Variants in ITGB4 observed in about 807,000 individuals in gnomAD.
ITGB4 encodes integrin subunit beta 4.
A neutral mutation model predicts 207.6 loss-of-function variants in ITGB4; 159 were observed. That is an observed-to-expected ratio of 0.77 (90% CI 0.67 to 0.87). The LOEUF (loss-of-function observed/expected upper bound fraction) is 0.87. ITGB4 is among the 40% of genes least tolerant of loss of function. The pLI is 0.00. For missense variants in ITGB4, 2,278 were observed against 2,546.8 expected, an observed-to-expected ratio of 0.89 and a Z score of 2.27; for synonymous variants, 1,020 against 1,062.7, an observed-to-expected ratio of 0.96 and a Z score of 0.78.
rs138193479 is a variant in ITGB4 at position 75,740,508 on chromosome 17, C to T, written c.2550+47C>T. The T allele has an allele frequency of 6.0e-4, 739 of 1,227,512 alleles. 8 individuals are homozygous for T. The African/African-American group carries it at 8.3e-3, about 14-fold the overall frequency. 76.0% of individuals were successfully genotyped at this position (1,227,512 alleles called of 1,614,324 possible). A position where few individuals can be genotyped will look rare whatever the true frequency, so the allele number is the denominator to read the frequency against. ...CTGGCCGGAGATGTGGGTATGAGGG[C>T]GGGTGAGGTGGGCAGGGCAGAGCGA... On this transcript the variant is annotated intron_variant, in intron 21 of 39. Coordinates refer to ENST00000200181, the MANE Select transcript of ITGB4 (RefSeq NM_000213.5). The surrounding 1 kb of genome is among the most constrained non-coding windows in gnomAD (Gnocchi z 5.9).
Position 75,736,090 on chromosome 17 carries a change from C to T in ITGB4, c.1697C>T (p.Pro566Leu). The change falls in exon 14 of 40, where the codon CCT becomes CTT. Residue 566 changes from proline to leucine, a missense_variant. Transcript: ENST00000200181. ...RCSMGQCVCE[P>L]GWTGPSCDCP... is the part of the protein sequence containing the mutation. ...TCCATGGGCCAGTGTGTGTGTGAGC[C>T]TGGTTGGACAGGCCCAAGCTGTGAC... The T allele has an allele frequency of 6.2e-7, 1 of 1,614,144 alleles. No individual in the cohort carries two copies. The highest frequency in any genetic ancestry group is 8.5e-7 in the Non-Finnish European group (1 of 1,180,008).
intron 32 of ITGB4, 126 bp from the exon 33 acceptor site, chr17:75,753,639 A>G (rs2061418591): frequency 3.5e-6 from 2 of 576,378 alleles, no homozygotes; most frequent in Non-Finnish European, 2.6e-6. Flanking sequence ...CGCCCCCAAC[A>G]CACACCCCGG....
At chr17:75,743,412 TA>T (rs1240723947) in intron 25 of ITGB4, among the ~76,000 whole-genome samples, 1 of 151,952 alleles carries the variant, frequency 6.6e-6, no homozygotes, top group East Asian at 1.9e-4. Context: ...TTTCTATCTT[TA>T]GTAGAGATGG....
chr17:75,751,214 C>T, intron 30 of ITGB4, 103 bp downstream of exon 30: 1 of 1,382,638 alleles, frequency 7.2e-7, no homozygotes, highest in Non-Finnish European at 1.0e-6. Flanking sequence ...ACCTGCTGTG[C>T]AGGGCACTCG....
Position 75,727,635 on chromosome 17 carries a change from C to A in ITGB4, c.265-16C>A. On this transcript the variant is annotated splice_polypyrimidine_tract_variant and intron_variant, in intron 4 of 39. Transcript: ENST00000200181. The surrounding 1 kb of genome is among the most constrained non-coding windows in gnomAD (Gnocchi z 6.0). ...GAGTGACCCTCTAGCCAGCTGTCCC[C>A]TTCCACTGGCTGCAGGAGACCCAGA... The A allele has an allele frequency of 3.1e-6, 5 of 1,595,878 alleles. No individual in the cohort carries two copies. Among genetic ancestry groups the A allele is most frequent in the Non-Finnish European group, 4.3e-6 (5 of 1,171,526 alleles).
chr17:75,751,041 T>A lies in ITGB4; in HGVS notation c.3723T>A (p.Ala1241=), dbSNP rs1365573517. The change falls in exon 30 of 40, where the codon GCT becomes GCA. Residue 1241 remains alanine (A), a synonymous_variant. Transcript: ENST00000200181. ...CCACGGTGACCCAGCTGAGCTGGGC[T>A]GAGCCGGCTGAGACCAACGGTGAGA... The part of the protein sequence containing the change: ...VSSTVTQLSW[A]EPAETNGEIT... 6.2e-7 allele frequency: 1 copy of A among 1,613,940 alleles called. No homozygotes were observed. The highest frequency in any genetic ancestry group is 8.5e-7 in the Non-Finnish European group (1 of 1,180,018).
At position 75,727,477 on chromosome 17, in the gene ITGB4, T is replaced by C; in HGVS notation, c.236T>C (p.Val79Ala). The change falls in exon 4 of 40, where the codon GTC becomes GCC. Residue 79 changes from valine (V) to alanine (A), a missense_variant. By Grantham distance (64) the Val-to-Ala change is moderately conservative. Coordinates refer to ENST00000200181, the MANE Select transcript of ITGB4 (RefSeq NM_000213.5). The surrounding 1 kb of genome is among the most constrained non-coding windows in gnomAD (Gnocchi z 6.0). ...AAGCQRESIV[V>A]MESSFQITEE... The stretch of plus-strand genomic sequence containing the variant: ...GGCTGCCAGCGGGAGAGCATCGTGG[T>C]CATGGAGAGCAGCTTCCAAATCACA... The C allele has an allele frequency of 2.5e-6, 4 of 1,613,850 alleles. No homozygotes were observed. The highest frequency in any genetic ancestry group is 3.4e-6 in the Non-Finnish European group (4 of 1,179,994).
At chr17:75,730,621 CCTCTTTT>C in intron 8 of ITGB4, 117 bp downstream of exon 8, 1 of 1,145,086 alleles carries the variant, frequency 8.7e-7, no homozygotes, top group South Asian at 1.5e-5. Context: ...TTCCTCCCTC[CCTCTTTT>C]CCTCCCTTTC....
At chr17:75,723,908 G>A (rs1012831473) in intron 1 of ITGB4, among the ~76,000 whole-genome samples, 9 of 152,258 alleles carry the variant, frequency 5.9e-5, no homozygotes, top group Non-Finnish European at 1.3e-4. Context: ...AGGGCCTCAG[G>A]GATGTCCAGT....
chr17:75,724,081 G>A lies in ITGB4; in HGVS notation c.-10-613G>A, dbSNP rs113890217. ...CCCAGAAAACTTAACTCTGGGGCAG[G>A]CAGAGGTACAGGGGAGGGCAGATGA... On this transcript the variant is annotated intron_variant, in intron 1 of 39. Transcript: ENST00000200181. 4.8e-3 allele frequency among the ~76,000 whole-genome samples: 732 copies of A among 152,328 alleles called. 9 individuals carry two copies. The highest frequency in any genetic ancestry group is 0.017 in the African/African-American group (702 of 41,568).
At position 75,737,564 on chromosome 17, in the gene ITGB4, C is replaced by T. The variant is rs2061009022; in HGVS notation, c.2140C>T (p.Leu714Phe). ...KDCPPGSFWW[L>F]IPLLLLLLPL... is the part of the protein sequence containing the mutation. Reference sequence around the variant, plus strand: ...CTGCCCTCCGGGCTCCTTCTGGTGGCTCATCCCCCTGCTCCTCCTCCTCCT... The same window carrying T: ...CTGCCCTCCGGGCTCCTTCTGGTGGTTCATCCCCCTGCTCCTCCTCCTCCT... Residue 714 changes from leucine to phenylalanine, a missense_variant, in exon 18 of 40, where the codon CTC becomes TTC. Transcript: ENST00000200181. 2 of 1,594,096 alleles carry T rather than the reference C, an allele frequency of 1.3e-6. No individual in the cohort carries two copies. The highest frequency in any genetic ancestry group is 2.3e-5 in the South Asian group (2 of 88,458).
intron 13 of ITGB4, among the ~76,000 whole-genome samples, chr17:75,734,498 A>G (rs2060934668): frequency 6.6e-6 from 1 of 152,054 alleles, no homozygotes; most frequent in Non-Finnish European, 1.5e-5. Flanking sequence ...CTTCCTCTGT[A>G]TTCCCATGGG....
At position 75,740,223 on chromosome 17, in the gene ITGB4, C is replaced by T; in HGVS notation, c.2447-135C>T. Reference sequence around the variant, plus strand: ...CCTGTGCTGATGGTGCTATGAACCTCATGCCTCGGTGTGCGTGGCCTGCTG... The same window carrying T: ...CCTGTGCTGATGGTGCTATGAACCTTATGCCTCGGTGTGCGTGGCCTGCTG... On this transcript the variant is annotated intron_variant, in intron 20 of 39. Coordinates refer to ENST00000200181, the MANE Select transcript of ITGB4 (RefSeq NM_000213.5). This position sits in a 1 kb window ranked among gnomAD's most constrained non-coding sequence, Gnocchi z 5.9. The T allele has an allele frequency of 4.1e-6, 5 of 1,212,626 alleles. No homozygotes were observed. Among genetic ancestry groups the T allele is most frequent in the Non-Finnish European group, 4.7e-6 (4 of 850,602 alleles). The allele number at this position is 1,212,626 out of a possible 1,614,324, so 75.1% of individuals were successfully genotyped here.
chr17:75,742,036 C>T lies in ITGB4; in HGVS notation c.2634-305C>T, dbSNP rs537163703. Reference sequence around the variant, plus strand: ...AGAACTAGAACCAGGGCTAGGGCCGCGGCAGCCTGGCCTGAGCACACACAC... The same window carrying T: ...AGAACTAGAACCAGGGCTAGGGCCGTGGCAGCCTGGCCTGAGCACACACAC... On this transcript the variant is annotated intron_variant, in intron 23 of 39. Transcript: ENST00000200181. The surrounding 1 kb of genome is among the most constrained non-coding windows in gnomAD (Gnocchi z 5.9). 7.2e-5 allele frequency among the ~76,000 whole-genome samples: 11 copies of T among 152,330 alleles called. No individual in the cohort carries two copies. In the East Asian group the frequency reaches 7.7e-4, roughly 11 times the overall value.
At chr17:75,754,354 TAG>T (rs1189714476) in intron 33 of ITGB4, 1 of 607,956 alleles carries the variant, frequency 1.6e-6, no homozygotes, top group East Asian at 2.8e-5. Flanking sequence ...CTCACACCGA[TAG>T]AGTGGCCGGC....
chr17:75,755,620 G>A lies in ITGB4; in HGVS notation c.4559-81G>A. 1.9e-6 allele frequency: 3 copies of A among 1,563,670 alleles called. No individual in the cohort carries two copies. In the Admixed American group the frequency reaches 5.0e-5, roughly 26 times the overall value. ...AGTGTAGACATGCCAGCTGAGGGAGGGAGGTCAGGGGGCAGCACTGTGACT... is the reference window on the plus strand; with the variant it reads ...AGTGTAGACATGCCAGCTGAGGGAGAGAGGTCAGGGGGCAGCACTGTGACT... On this transcript the variant is annotated intron_variant, in intron 34 of 39. Transcript: ENST00000200181.
At chr17:75,741,421 G>A (rs537024332) in intron 23 of ITGB4, among the ~76,000 whole-genome samples, 9 of 152,192 alleles carry the variant, frequency 5.9e-5, no homozygotes, top group African/African-American at 1.9e-4. Flanking sequence ...GTCCTACATC[G>A]AGTCCTGGCC....
Position 75,731,026 on chromosome 17 carries a change from G to C in ITGB4, c.1092+62G>C. The C allele has an allele frequency of 6.7e-7, 1 of 1,500,960 alleles. No homozygotes were observed. Among genetic ancestry groups the C allele is most frequent in the Non-Finnish European group, 9.3e-7 (1 of 1,078,866 alleles). 93.0% of individuals were successfully genotyped at this position (1,500,960 alleles called of 1,614,324 possible). On this transcript the variant is annotated intron_variant, in intron 9 of 39. Coordinates refer to ENST00000200181, the MANE Select transcript of ITGB4 (RefSeq NM_000213.5). The surrounding 1 kb of genome is among the most constrained non-coding windows in gnomAD (Gnocchi z 6.8). ...TGGGGCAGGGCAGGAAGTGGGCAGG[G>C]TGGGCAAGAGGTGTCTTGGATCACG...
rs776717074 is a variant in ITGB4, at chr17:75,742,780, A to G, written c.2962+19A>G. The G allele has an allele frequency of 4.4e-6, 7 of 1,599,356 alleles. No individual in the cohort carries two copies. Among genetic ancestry groups the G allele is most frequent in the Non-Finnish European group, 1.7e-6 (2 of 1,176,684 alleles). The stretch of plus-strand genomic sequence containing the variant: ...GAGCAAGGTGGGTCTGGGTGGGGAG[A>G]GTGGGGAAGGCAGACGGGGGCTCGG... On this transcript the variant is annotated intron_variant, in intron 25 of 39. Transcript: ENST00000200181. The surrounding 1 kb of genome is among the most constrained non-coding windows in gnomAD (Gnocchi z 5.9).
Sources: gnomAD v4.1 joint callset for allele counts (sites outside exome capture counted in the v4.1 genomes callset) on GRCh38, gnomAD v4.1.1 for gene constraint, Gnocchi (gnomAD v3.1) non-coding constraint, MANE v1.5 for transcripts, NCBI Gene and HGNC (gene_info 2026-07-23, HGNC 2026-07-21) for gene names.